Variants in VPS8 observed in about 807,000 individuals in gnomAD.
VPS8 encodes VPS8 subunit of CORVET complex.
A neutral mutation model predicts 216.4 loss-of-function variants in VPS8; 129 were observed. That is an observed-to-expected ratio of 0.60 (90% CI 0.52 to 0.69). The LOEUF is 0.69. Among genes scored for constraint, VPS8 ranks in the 30% least tolerant of loss-of-function variants. The probability of loss-of-function intolerance (pLI) is 0.00; values close to 1 mark genes in which losing one functional copy is unlikely to be tolerated. For missense variants in VPS8, 1,531 were observed against 1,683.5 expected, an observed-to-expected ratio of 0.91 and a Z score of 1.59; for synonymous variants, 571 against 565.4, an observed-to-expected ratio of 1.01 and a Z score of -0.14.
intron 45 of VPS8, among the ~76,000 whole-genome samples, chr3:185,014,442 A>G (rs1755493727): frequency 6.6e-6 from 1 of 152,190 alleles, no homozygotes; most frequent in Non-Finnish European, 1.5e-5. Flanking sequence ...GATGGTATCC[A>G]AATCGGCTGT....
In VPS8 at chr3:184,860,717, C is replaced by T. The variant is rs145763388; in HGVS notation, c.1224+652C>T. Reference sequence around the variant, plus strand: ...GTAAAACATTTTTTGTATTTTTGAGCTTTGTCTTCATTGATTCAGCAGCTT... The same window carrying T: ...GTAAAACATTTTTTGTATTTTTGAGTTTTGTCTTCATTGATTCAGCAGCTT... On this transcript the variant is annotated intron_variant, in intron 15 of 47. Transcript: ENST00000625842. 3.9e-3 allele frequency among the ~76,000 whole-genome samples: 599 copies of T among 152,092 alleles called. 5 individuals carry two copies. Among genetic ancestry groups the T allele is most frequent in the African/African-American group, 0.013 (558 of 41,512 alleles).
intron 39 of VPS8, among the ~76,000 whole-genome samples, chr3:184,970,235 T>G (rs972783651): frequency 6.6e-6 from 1 of 152,162 alleles, no homozygotes; most frequent in Non-Finnish European, 1.5e-5. Flanking sequence ...TATTCAATTT[T>G]GATAGTGTGC....
intron 5 of VPS8, among the ~76,000 whole-genome samples, chr3:184,837,588 T>C (rs1227145300): frequency 1.3e-5 from 2 of 152,222 alleles, no homozygotes; most frequent in Non-Finnish European, 2.9e-5. Context: ...CAGAGCATTG[T>C]GTGTAGCAGC....
intron 36 of VPS8, among the ~76,000 whole-genome samples, chr3:184,952,222 T>C (rs534923646): frequency 6.6e-6 from 1 of 152,334 alleles, no homozygotes; most frequent in Admixed American, 6.5e-5. Flanking sequence ...TTTTACCTAA[T>C]AGTGTTCTCT....
In VPS8 at chr3:184,920,155, A is replaced by G. The variant is rs1486804112; in HGVS notation, c.2411A>G (p.Gln804Arg). The G allele has an allele frequency of 2.0e-6, 3 of 1,525,866 alleles. No individual in the cohort carries two copies. Among genetic ancestry groups the G allele is most frequent in the Admixed American group, 2.2e-5 (1 of 45,612 alleles). The allele number at this position is 1,525,866 out of a possible 1,614,324, so 94.5% of individuals were successfully genotyped here. A position where few individuals can be genotyped will look rare whatever the true frequency, so the allele number is the denominator to read the frequency against. ...TTTGAAGATTTTAAAAATGACAAGC[A>G]AGCTGTGGAATATCAACAGCGAATT... ...LTFEDFKNDK[Q>R]AVEYQQRIVD... Residue 804 changes from glutamine (Q) to arginine (R), a missense_variant, in exon 29 of 48, where the codon CAA becomes CGA. By Grantham distance (43) the Gln-to-Arg change is conservative (BLOSUM62 1). Coordinates refer to ENST00000625842, the MANE Select transcript of VPS8 (RefSeq NM_001009921.3).
chr3:184,945,590 A>G lies in VPS8; in HGVS notation c.3035+5347A>G, dbSNP rs1179549924. 2.6e-5 allele frequency among the ~76,000 whole-genome samples: 4 copies of G among 152,134 alleles called. No individual in the cohort carries two copies. The East Asian group carries it at 7.7e-4, about 29-fold the overall frequency. ...AAACTCTACCTCTTCTCTGTCTCTT[A>G]TATGTGATTTTTCTTCTTGTCTTTA... On this transcript the variant is annotated intron_variant, in intron 36 of 47. Transcript: ENST00000625842.
At chr3:184,880,109 T>C (rs889539928) in intron 21 of VPS8, among the ~76,000 whole-genome samples, 1 of 152,190 alleles carries the variant, frequency 6.6e-6, no homozygotes, top group Non-Finnish European at 1.5e-5. Flanking sequence ...TTTTGTGATA[T>C]TTGTAAATTC....
chr3:184,912,724 A>G (rs112582657), intron 25 of VPS8, among the ~76,000 whole-genome samples: 6 of 152,212 alleles, frequency 3.9e-5, no homozygotes, highest in Non-Finnish European at 8.8e-5. Flanking sequence ...TCATGTTTAC[A>G]TGCACTAACA....
chr3:185,001,658 A>G (rs1262484001), intron 45 of VPS8, among the ~76,000 whole-genome samples: 2 of 151,980 alleles, frequency 1.3e-5, no homozygotes, highest in Non-Finnish European at 2.9e-5. Context: ...GATTGAGCTC[A>G]ATCTCCAGCC....
At position 184,950,216 on chromosome 3, in the gene VPS8, C is replaced by CTTTTTTTTTTTTT. The variant is rs10700220; in HGVS notation, c.3036-7142_3036-7130dup. On this transcript the variant is annotated intron_variant, in intron 36 of 47. Coordinates refer to ENST00000625842, the MANE Select transcript of VPS8 (RefSeq NM_001009921.3). The stretch of plus-strand genomic sequence containing the variant: ...AGCAACCACGCCCAGCAGTTTTCTG[C>CTTTTTTTTTTTTT]TTTTTTTTTTTTTTTTTTTTTTTTT... Among the ~76,000 whole-genome samples, 334 of 39,924 alleles carry CTTTTTTTTTTTTT rather than the reference C, an allele frequency of 8.4e-3. 107 individuals carry two copies. Among genetic ancestry groups the CTTTTTTTTTTTTT allele is most frequent in the East Asian group, 0.029 (27 of 930 alleles). 26.2% of individuals were successfully genotyped at this position (39,924 alleles called of 152,430 possible).
At chr3:184,946,924 T>C (rs546731914) in intron 36 of VPS8, among the ~76,000 whole-genome samples, 2 of 152,180 alleles carry the variant, frequency 1.3e-5, no homozygotes, top group African/African-American at 4.8e-5. Flanking sequence ...CAGAAGCTTA[T>C]TAATGTGTGA....
chr3:184,868,152 A>G (rs192444928), intron 18 of VPS8, 93 bp downstream of exon 18: 58 of 1,365,998 alleles, frequency 4.2e-5, no homozygotes, highest in Non-Finnish European at 5.3e-5. Context: ...TTATTTGGTA[A>G]GCTTCTTAAT....
chr3:184,988,809 ATCT>A (rs1170409337), intron 42 of VPS8, among the ~76,000 whole-genome samples: 1 of 152,160 alleles, frequency 6.6e-6, no homozygotes, highest in Non-Finnish European at 1.5e-5. Flanking sequence ...ATGTATTTAG[ATCT>A]TCTTTGCTTT....
chr3:185,018,627 A>C (rs2110044752), intron 45 of VPS8, among the ~76,000 whole-genome samples: 1 of 152,338 alleles, frequency 6.6e-6, no homozygotes, highest in African/African-American at 2.4e-5. Context: ...GAATCATCTG[A>C]CTGGAAACAG....
intron 5 of VPS8, among the ~76,000 whole-genome samples, chr3:184,837,238 G>A (rs1476877674): frequency 6.6e-6 from 1 of 151,928 alleles, no homozygotes. Flanking sequence ...GAAGTCAGGT[G>A]ACTTCTGATT....
At chr3:184,959,589 T>C (rs574758506) in intron 37 of VPS8, among the ~76,000 whole-genome samples, 6 of 152,172 alleles carry the variant, frequency 3.9e-5, no homozygotes, top group Non-Finnish European at 8.8e-5. Context: ...GTATAAAAAG[T>C]ATCAGCAGTG....
intron 39 of VPS8, among the ~76,000 whole-genome samples, chr3:184,968,037 T>C (rs1747714669): frequency 1.3e-5 from 2 of 152,090 alleles, no homozygotes; most frequent in African/African-American, 2.4e-5. Flanking sequence ...GCTCCCCTAT[T>C]CCCCTCTCCT....
intron 23 of VPS8, among the ~76,000 whole-genome samples, 157 bp from the exon 24 acceptor site, chr3:184,898,408 C>CCTTG (rs1390946312): frequency 6.6e-6 from 1 of 152,054 alleles, no homozygotes; most frequent in Admixed American, 6.6e-5. Flanking sequence ...CAGCTCTTAC[C>CCTTG]CTTGCATTGT....
Position 185,016,203 on chromosome 3 carries a change from G to A in VPS8, c.4003-8133G>A, listed in dbSNP as rs113589134. Among the ~76,000 whole-genome samples, 1,104 of 152,260 alleles carry A rather than the reference G, an allele frequency of 7.3e-3. 17 individuals carry two copies. The highest frequency in any genetic ancestry group is 0.037 in the Admixed American group (569 of 15,284). On this transcript the variant is annotated intron_variant, in intron 45 of 47. Coordinates refer to ENST00000625842, the MANE Select transcript of VPS8 (RefSeq NM_001009921.3). ...TCTAATGTTTTCAGTTGATCCCTAC[G>A]TATCGTTACTTTCTGTGGCACAATG...
Sources: gnomAD v4.1 joint callset for allele counts (sites outside exome capture counted in the v4.1 genomes callset) on GRCh38, gnomAD v4.1.1 for gene constraint, MANE v1.5 for transcripts, NCBI Gene and HGNC (gene_info 2026-07-23, HGNC 2026-07-21) for gene names.